FRMPD4: variants seen among roughly 807,000 people sequenced by gnomAD.
FRMPD4 encodes the protein FERM and PDZ domain-containing protein 4.
In FRMPD4, 22 loss-of-function variants were observed where a neutral mutation model predicts 94.1. The observed-to-expected ratio is 0.23, with a 90% CI of 0.17 to 0.33. The LOEUF (loss-of-function observed/expected upper bound fraction) is 0.33. Ranked by LOEUF, FRMPD4 falls within the 10% of genes least tolerant of loss-of-function variation. The probability of loss-of-function intolerance (pLI) is 1.00; values close to 1 mark genes in which losing one functional copy is unlikely to be tolerated. For synonymous variants in FRMPD4, 631 were observed against 548.6 expected, an observed-to-expected ratio of 1.15 and a Z score of -2.10; for missense variants, 1,111 against 1,339.9, an observed-to-expected ratio of 0.83 and a Z score of 2.67.
intron 1 of FRMPD4, among the ~76,000 whole-genome samples, chrX:12,340,750 T>A (rs1265133208): frequency 1.8e-5 from 2 of 112,217 alleles, no homozygotes; most frequent in Non-Finnish European, 1.9e-5. Flanking sequence ...TCAACATTGA[T>A]TTTCAATGCG....
chrX:12,259,509 G>A (rs1288355373), intron 1 of FRMPD4, among the ~76,000 whole-genome samples: 2 of 111,634 alleles, frequency 1.8e-5, no homozygotes, highest in Admixed American at 1.9e-4. Context: ...CAAAGAGCAT[G>A]GTCCTGCTGA....
intron 1 of FRMPD4, among the ~76,000 whole-genome samples, chrX:12,336,158 T>C (rs765764227): frequency 5.4e-5 from 6 of 112,086 alleles, no homozygotes; most frequent in African/African-American, 1.9e-4. Context: ...TGGTTTTCTC[T>C]AAGTTCAAAG....
At chrX:11,968,082 G>A (rs985477647) in intron 3 of FRMPD4, among the ~76,000 whole-genome samples, 1 of 110,673 alleles carries the variant, frequency 9.0e-6, no homozygotes, top group Non-Finnish European at 1.9e-5. Context: ...GGGGCAGTAG[G>A]CTATTTTCCC....
At chrX:12,298,666 G>A (rs980891272) in intron 1 of FRMPD4, among the ~76,000 whole-genome samples, 1 of 112,144 alleles carries the variant, frequency 8.9e-6, no homozygotes, top group Non-Finnish European at 1.9e-5. Context: ...GAGGGGTCAA[G>A]GTCATTGCTG....
rs552916843 is a variant in FRMPD4, at chrX:11,916,228, G to A, written c.95+38210G>A. Among the ~76,000 whole-genome samples the A allele has an allele frequency of 2.7e-5, 3 of 111,578 alleles. No individual in the cohort carries two copies. In the South Asian group the frequency reaches 1.1e-3, roughly 42 times the overall value. The stretch of plus-strand genomic sequence containing the variant: ...ATGGCAAATCACCCCATTTGTCTGT[G>A]GAAAGAGGAATGGATGGCAGAAAGT... On this transcript the variant is annotated intron_variant, in intron 3 of 18. Coordinates refer to the FRMPD4 transcript ENST00000640291.
At chrX:11,987,490 C>T (rs1047293007) in intron 3 of FRMPD4, among the ~76,000 whole-genome samples, 2 of 111,163 alleles carry the variant, frequency 1.8e-5, no homozygotes, top group Admixed American at 1.9e-4. Context: ...AACTGAGGCC[C>T]TTTTCTCTAA....
chrX:12,213,580 G>C (rs374123458), intron 1 of FRMPD4, among the ~76,000 whole-genome samples: 1 of 112,005 alleles, frequency 8.9e-6, no homozygotes, highest in South Asian at 3.7e-4. Flanking sequence ...ATGACTGATG[G>C]ACATTTAATC....
At chrX:12,275,371 G>A (rs559865041) in intron 1 of FRMPD4, among the ~76,000 whole-genome samples, 12 of 111,132 alleles carry the variant, frequency 1.1e-4, no homozygotes, top group African/African-American at 3.6e-4. Flanking sequence ...TGTTTGTACA[G>A]CCTACAGAAC....
intron 3 of FRMPD4, among the ~76,000 whole-genome samples, chrX:12,052,801 C>G (rs1033441009): frequency 9.0e-6 from 1 of 111,690 alleles, no homozygotes; most frequent in Admixed American, 9.5e-5. Flanking sequence ...TTTAAACAAT[C>G]ACCACCAACA....
chrX:12,611,477 AGTAGT>A (rs2059182705), intron 3 of FRMPD4, among the ~76,000 whole-genome samples: 1 of 58,538 alleles, frequency 1.7e-5, no homozygotes, highest in Non-Finnish European at 3.3e-5. Context: ...TGGGGATCAG[AGTAGT>A]ATCTACCTTG....
chrX:11,848,525 A>G (rs1223953943), intron 1 of FRMPD4, among the ~76,000 whole-genome samples: 5 of 99,024 alleles, frequency 5.0e-5, no homozygotes, highest in African/African-American at 1.9e-4. Flanking sequence ...TTTTTTTTTC[A>G]TTAGGTCCTC....
chrX:12,396,705 C>G (rs144865935), intron 1 of FRMPD4, among the ~76,000 whole-genome samples: 83 of 111,838 alleles, frequency 7.4e-4, no homozygotes, highest in Middle Eastern at 4.7e-3. Context: ...CTCATAATAT[C>G]TACATGTTTG....
intron 3 of FRMPD4, among the ~76,000 whole-genome samples, chrX:11,905,952 T>C (rs2053964733): frequency 9.0e-6 from 1 of 110,673 alleles, no homozygotes; most frequent in East Asian, 2.8e-4. Context: ...ATTTCAAGTA[T>C]AATTCTATTA....
At chrX:12,057,050 A>C (rs1387269322) in intron 3 of FRMPD4, among the ~76,000 whole-genome samples, 1 of 112,135 alleles carries the variant, frequency 8.9e-6, no homozygotes, top group Non-Finnish European at 1.9e-5. Flanking sequence ...ACAAGGAATA[A>C]AAACACTATA....
chrX:11,883,234 A>G (rs934791255), intron 3 of FRMPD4, among the ~76,000 whole-genome samples: 5 of 111,877 alleles, frequency 4.5e-5, no homozygotes, highest in African/African-American at 1.6e-4. Context: ...CTGGGCTACA[A>G]ATATAAATTG....
chrX:11,944,375 C>A (rs1161740532), intron 3 of FRMPD4, among the ~76,000 whole-genome samples: 1 of 111,958 alleles, frequency 8.9e-6, no homozygotes, highest in Non-Finnish European at 1.9e-5. Flanking sequence ...CCAGATACCA[C>A]AGGCTTTTTA....
At chrX:12,394,344 G>T (rs1326443800) in intron 1 of FRMPD4, among the ~76,000 whole-genome samples, 1 of 111,807 alleles carries the variant, frequency 8.9e-6, no homozygotes, top group Non-Finnish European at 1.9e-5. Flanking sequence ...AAACAGAATG[G>T]TGGCTCCTTT....
intron 2 of FRMPD4, among the ~76,000 whole-genome samples, chrX:12,527,264 G>A (rs2058233843): frequency 9.0e-6 from 1 of 111,574 alleles, no homozygotes; most frequent in Admixed American, 9.5e-5. Flanking sequence ...AGAATACAAT[G>A]TTAGTGGCAT....
intron 3 of FRMPD4, among the ~76,000 whole-genome samples, chrX:11,884,029 T>G (rs1458867825): frequency 1.8e-5 from 2 of 111,416 alleles, no homozygotes; most frequent in Non-Finnish European, 3.8e-5. Flanking sequence ...TAGGGCCTCA[T>G]CTCCCCTGTG....
Sources: allele counts gnomAD v4.1 joint callset (sites outside exome capture counted in the v4.1 genomes callset), GRCh38; gene constraint gnomAD v4.1.1; transcripts MANE v1.5; gene names NCBI Gene and HGNC (gene_info 2026-07-23, HGNC 2026-07-21).